The following P3H1 variants were observed in gnomAD, a reference collection of about 807,000 sequenced individuals.
The protein encoded by P3H1 is prolyl 3-hydroxylase 1, also known as growth suppressor 1.
P3H1 carries 69 observed loss-of-function variants against 84.0 expected under a neutral mutation model. That is an observed-to-expected ratio of 0.82 (90% CI 0.68 to 1.00). The LOEUF is 1.00. Ranked by LOEUF, P3H1 falls within the 50% of genes least tolerant of loss-of-function variation. P3H1 has a pLI of 0.00. For synonymous variants in P3H1, 366 were observed against 388.8 expected (o/e 0.94, Z 0.69); for missense variants, 878 against 962.8 (o/e 0.91, Z 1.17).
intron 5 of P3H1, chr1:42,756,399 AC>A (rs1652406537): frequency 6.5e-6 from 1 of 154,256 alleles, no homozygotes; most frequent in Non-Finnish European, 1.5e-5. Context: ...GGCAAGGCTT[AC>A]CCAGGGCAGG....
At chr1:42,762,011 T>G (rs547686504) in intron 2 of P3H1, 35 of 263,348 alleles carry the variant, frequency 1.3e-4, no homozygotes, top group Admixed American at 3.9e-4. Flanking sequence ...GGTGGCGGTA[T>G]TACAAATGAT....
intron 1 of P3H1, among the ~76,000 whole-genome samples, chr1:42,766,021 C>CAA (rs1553144412): frequency 2.1e-5 from 3 of 141,338 alleles, no homozygotes; most frequent in South Asian, 2.4e-4. Flanking sequence ...CCCCCCGCCC[C>CAA]CACACACACA....
At position 42,747,418 on chromosome 1, in the gene P3H1, G is replaced by T. The variant is rs758208551; in HGVS notation, c.1915-6C>A. On this transcript the variant is annotated splice_region_variant and splice_polypyrimidine_tract_variant and intron_variant, in intron 13 of 14. Transcript: ENST00000296388. ...CACTGAGGCTGCACCTCTGCCTAAGGGGGACAGAAAGGGAGGGGGGTTGCA... is the reference window on the plus strand; with the variant it reads ...CACTGAGGCTGCACCTCTGCCTAAGTGGGACAGAAAGGGAGGGGGGTTGCA... The T allele has an allele frequency of 6.2e-7, 1 of 1,609,878 alleles. No homozygotes were observed. Among genetic ancestry groups the T allele is most frequent in the Non-Finnish European group, 8.5e-7 (1 of 1,178,166 alleles).
At chr1:42,762,280 T>C (rs774539881) in intron 2 of P3H1, 43 bp downstream of exon 2, 5 of 1,599,926 alleles carry the variant, frequency 3.1e-6, no homozygotes, top group African/African-American at 2.7e-5. Flanking sequence ...CTAAAATAAA[T>C]TTAAAAAGAA....
At chr1:42,764,037 G>T (rs1399340117) in intron 1 of P3H1, among the ~76,000 whole-genome samples, 1 of 152,066 alleles carries the variant, frequency 6.6e-6, no homozygotes, top group Non-Finnish European at 1.5e-5. Context: ...GGCTGAGGCA[G>T]GAGAATCGCT....
intron 5 of P3H1, among the ~76,000 whole-genome samples, chr1:42,756,739 T>C (rs1339047939): frequency 6.6e-6 from 1 of 152,214 alleles, no homozygotes; most frequent in Non-Finnish European, 1.5e-5. Context: ...ATTTACTGAG[T>C]GTCAGCCATG....
Position 42,766,958 on chromosome 1 carries a change from G to A in P3H1, c.14C>T (p.Ala5Val), listed in dbSNP as rs1372549553. 6.2e-7 allele frequency: 1 copy of A among 1,608,600 alleles called. No individual in the cohort carries two copies. Residue 5 changes from alanine to valine, a missense_variant, in exon 1 of 15, where the codon GCG becomes GTG. Ala to Val is a moderately conservative substitution (Grantham distance 64). Transcript: ENST00000296388. Reference protein sequence around the residue: MAVRALKLLTTLLAV... With the variant: MAVRVLKLLTTLLAV... ...CAGCAGTGTGGTCAGCAGCTTCAAC[G>A]CGCGTACCGCCATCGCTCCCTCAGA...
Position 42,759,305 on chromosome 1 carries a change from T to C in P3H1, c.704A>G (p.Tyr235Cys), listed in dbSNP as rs1652574422. The change falls in exon 3 of 15, where the codon TAC (tyrosine) becomes TGC (cysteine). Residue 235 changes from tyrosine to cysteine, a missense_variant. Coordinates refer to ENST00000296388, the MANE Select transcript of P3H1 (RefSeq NM_022356.4). ...VPHLEAALQE[Y>C]FVAYEECRAL... ...ACGGCACTCCTCATAGGCCACAAAG[T>C]ATTCTTGCAGCGCCGCCTCTAGGTG... 6.2e-7 allele frequency: 1 copy of C among 1,614,058 alleles called. No individual in the cohort carries two copies.
intron 11 of P3H1, chr1:42,748,537 G>A (rs1570456170): frequency 5.1e-6 from 3 of 588,324 alleles, no homozygotes; most frequent in Non-Finnish European, 9.3e-6. Context: ...TGGCAAGCAG[G>A]AATGAAGGGC....
chr1:42,750,856 A>T, intron 10 of P3H1, among the ~76,000 whole-genome samples: 2 of 117,436 alleles, frequency 1.7e-5, no homozygotes, highest in Non-Finnish European at 3.6e-5. Flanking sequence ...CGCCCTATCC[A>T]GGAGGTGAGG....
chr1:42,750,383 T>G (rs1329227854), intron 10 of P3H1, 47 bp from the exon 11 acceptor site: 1 of 1,609,950 alleles, frequency 6.2e-7, no homozygotes, highest in Non-Finnish European at 8.5e-7. Flanking sequence ...CTGATATGGT[T>G]TGGCTCTGTG....
chr1:42,766,687 C>A lies in P3H1; in HGVS notation c.285G>T (p.Pro95=), dbSNP rs1282199290. 6.6e-7 allele frequency: 1 copy of A among 1,526,120 alleles called. No individual in the cohort carries two copies. The highest frequency in any genetic ancestry group is 2.1e-5 in the Admixed American group (1 of 47,292). 94.5% of individuals were successfully genotyped at this position (1,526,120 alleles called of 1,614,324 possible). ...WELDPDWSPS[P]AQASGAAALR... Reference sequence around the variant, plus strand: ...GGGCGGCGGCGCCCGAGGCCTGGGCCGGGCTGGGGGACCAGTCGGGGTCCA... The same window carrying A: ...GGGCGGCGGCGCCCGAGGCCTGGGCAGGGCTGGGGGACCAGTCGGGGTCCA... Residue 95 remains proline (P), a synonymous_variant, in exon 1 of 15, where the codon CCG becomes CCT. Coordinates refer to ENST00000296388, the MANE Select transcript of P3H1 (RefSeq NM_022356.4).
At position 42,759,380 on chromosome 1, in the gene P3H1, C is replaced by G; in HGVS notation, c.629G>C (p.Arg210Pro). Residue 210 changes from arginine (R) to proline (P), a missense_variant, in exon 3 of 15, where the codon CGA becomes CCA. Coordinates refer to ENST00000296388, the MANE Select transcript of P3H1 (RefSeq NM_022356.4). The part of the protein sequence containing the change: ...LETQPHMQEF[R>P]LGVRLYSEEQ... ...CTCTGAGTAGAGTCGCACTCCCAGT[C>G]GAAATTCTTGCTACTGGGAAGAAGG... is the stretch of plus-strand genomic sequence containing the variant. 6.2e-7 allele frequency: 1 copy of G among 1,614,014 alleles called. No homozygotes were observed. The highest frequency in any genetic ancestry group is 1.1e-5 in the South Asian group (1 of 91,022).
chr1:42,766,017 GCC>G (rs11290628), intron 1 of P3H1, among the ~76,000 whole-genome samples: 3 of 104,374 alleles, frequency 2.9e-5, no homozygotes, highest in South Asian at 2.8e-4. Context: ...TCCCCCCCCC[GCC>G]CCCACACACA....
rs551246832 is a variant in P3H1 at position 42,758,700 on chromosome 1, C to A, written c.940+152G>T. On this transcript the variant is annotated intron_variant, in intron 4 of 14. Transcript: ENST00000296388. Reference sequence around the variant, plus strand: ...GGCTTCCTAGGCCAGTTGTTTATAACAAACTACCCAGGGATCACTTGGCAT... The same window carrying A: ...GGCTTCCTAGGCCAGTTGTTTATAAAAAACTACCCAGGGATCACTTGGCAT... 4.4e-5 allele frequency: 42 copies of A among 960,868 alleles called. No homozygotes were observed. The South Asian group carries it at 5.8e-4, about 13-fold the overall frequency. 59.5% of individuals were successfully genotyped at this position (960,868 alleles called of 1,614,324 possible).
rs752451756 is a variant in P3H1 at position 42,752,259 on chromosome 1, C to G, written c.1569+15G>C. 3 of 1,596,936 alleles carry G rather than the reference C, an allele frequency of 1.9e-6. No individual in the cohort carries two copies. The highest frequency in any genetic ancestry group is 8.6e-7 in the Non-Finnish European group (1 of 1,164,418). On this transcript the variant is annotated intron_variant, in intron 10 of 14. Transcript: ENST00000296388. ...CCCTTTCTCCACACTCTAGAATGCC[C>G]AGTGTTGATCTTACCTTGAGGGCTT...
At chr1:42,759,087 C>T (rs1652559153) in intron 3 of P3H1, 104 bp from the exon 4 acceptor site, 1 of 1,578,204 alleles carries the variant, frequency 6.3e-7, no homozygotes. Context: ...TCATCAGCTT[C>T]TCAGATTTAA....
rs1279510308 is a variant in P3H1 at position 42,754,750 on chromosome 1, G to A, written c.1345+119C>T. 4.4e-6 allele frequency: 6 copies of A among 1,352,538 alleles called. No individual in the cohort carries two copies. The highest frequency in any genetic ancestry group is 4.3e-5 in the African/African-American group (3 of 69,534). The allele number at this position is 1,352,538 out of a possible 1,614,324, so 83.8% of individuals were successfully genotyped here. A position where few individuals can be genotyped will look rare whatever the true frequency, so the allele number is the denominator to read the frequency against. On this transcript the variant is annotated intron_variant, in intron 8 of 14. Coordinates refer to ENST00000296388, the MANE Select transcript of P3H1 (RefSeq NM_022356.4). This position sits in a 1 kb window ranked among gnomAD's most constrained non-coding sequence, Gnocchi z 4.0. The stretch of plus-strand genomic sequence containing the variant: ...GATGTCCACTGAACTTGCACCCTAA[G>A]GGTGGCTGGCTCATGGTGAGCTCTG...
intron 11 of P3H1, 46 bp downstream of exon 11, chr1:42,750,140 A>T (rs1651946095): frequency 6.3e-7 from 1 of 1,597,984 alleles, no homozygotes; most frequent in African/African-American, 1.3e-5. Flanking sequence ...CACAGAGCTG[A>T]GGTACAGCAT....
Sources: gnomAD v4.1 joint callset for allele counts (sites outside exome capture counted in the v4.1 genomes callset) on GRCh38, gnomAD v4.1.1 for gene constraint, Gnocchi (gnomAD v3.1) non-coding constraint, MANE v1.5 for transcripts, NCBI Gene and HGNC (gene_info 2026-07-23, HGNC 2026-07-21) for gene names.